Variants in CNTNAP2 observed in about 807,000 individuals in gnomAD.
The protein encoded by CNTNAP2 is contactin-associated protein-like 2.
A neutral mutation model predicts 155.2 loss-of-function variants in CNTNAP2; 98 were observed. The observed-to-expected ratio is 0.63, with a 90% CI of 0.54 to 0.75. The LOEUF (loss-of-function observed/expected upper bound fraction) is 0.75, where lower values mean the gene tolerates loss of function less well. Ranked by LOEUF, CNTNAP2 falls within the 30% of genes least tolerant of loss-of-function variation. The pLI, the probability that CNTNAP2 is intolerant of heterozygous loss-of-function variation, is 0.00. For missense variants in CNTNAP2, 1,727 were observed against 1,688.1 expected (o/e 1.02, Z -0.40); for synonymous variants, 651 against 631.2 (o/e 1.03, Z -0.47).
At chr7:148,020,680 T>C (rs4725760) in intron 15 of CNTNAP2, among the ~76,000 whole-genome samples, 57,740 of 152,084 alleles carry the variant, frequency 0.38, 11,685 homozygotes, top group African/African-American at 0.53. Flanking sequence ...GCAATATATT[T>C]ATGATCTGCC....
chr7:148,239,247 C>T (rs1224870706), intron 20 of CNTNAP2, among the ~76,000 whole-genome samples: 3 of 152,198 alleles, frequency 2.0e-5, no homozygotes, highest in Non-Finnish European at 4.4e-5. Context: ...CACTGGCTCT[C>T]TATTGGGATT....
chr7:147,543,236 C>T (rs1269066649), intron 11 of CNTNAP2, among the ~76,000 whole-genome samples: 1 of 152,220 alleles, frequency 6.6e-6, no homozygotes, highest in African/African-American at 2.4e-5. Context: ...TAGTTAACTG[C>T]AGCAGGAACT....
intron 1 of CNTNAP2, among the ~76,000 whole-genome samples, chr7:146,386,849 A>G (rs1036169187): frequency 6.6e-6 from 1 of 152,246 alleles, no homozygotes; most frequent in Non-Finnish European, 1.5e-5. Flanking sequence ...GTAATCTAGC[A>G]TGTTATTTCC....
intron 8 of CNTNAP2, among the ~76,000 whole-genome samples, chr7:147,265,055 C>A (rs960738228): frequency 6.6e-6 from 1 of 152,000 alleles, no homozygotes; most frequent in African/African-American, 2.4e-5. Context: ...CCCAGGTCAC[C>A]CTTAGCGTTG....
intron 9 of CNTNAP2, among the ~76,000 whole-genome samples, chr7:147,325,556 G>A (rs1795439321): frequency 6.6e-6 from 1 of 152,108 alleles, no homozygotes; most frequent in Non-Finnish European, 1.5e-5. Context: ...AACTGAAAAT[G>A]AAGCGTAACT....
intron 1 of CNTNAP2, among the ~76,000 whole-genome samples, chr7:146,674,837 A>G (rs991583271): frequency 6.6e-5 from 10 of 152,194 alleles, no homozygotes; most frequent in Non-Finnish European, 8.8e-5. Flanking sequence ...AAGGTTTGTT[A>G]TGCAACCTTA....
At chr7:147,553,797 C>A (rs1048323418) in intron 11 of CNTNAP2, among the ~76,000 whole-genome samples, 1 of 152,112 alleles carries the variant, frequency 6.6e-6, no homozygotes, top group Middle Eastern at 3.4e-3. Flanking sequence ...ATGGTGAAAC[C>A]CTGTCTCTAC....
intron 1 of CNTNAP2, among the ~76,000 whole-genome samples, chr7:146,224,354 G>T (rs981722886): frequency 3.3e-5 from 5 of 151,422 alleles, no homozygotes; most frequent in Non-Finnish European, 5.9e-5. Flanking sequence ...ATACAATAGC[G>T]ATTATGACAT....
intron 21 of CNTNAP2, among the ~76,000 whole-genome samples, chr7:148,337,598 TCTTG>T (rs1212237588): frequency 6.6e-6 from 1 of 152,266 alleles, no homozygotes; most frequent in Non-Finnish European, 1.5e-5. Context: ...CTCATCTGCG[TCTTG>T]CCAGTCTCTC....
intron 13 of CNTNAP2, chr7:147,671,644 G>A (rs7779787): frequency 0.068 from 10,403 of 152,186 alleles, 597 homozygotes; most frequent in Admixed American, 0.19. Context: ...AGCACATAGA[G>A]CATGCGTATT....
At chr7:147,122,385 C>T (rs966442697) in intron 6 of CNTNAP2, 3 of 152,162 alleles carry the variant, frequency 2.0e-5, no homozygotes, top group Non-Finnish European at 2.9e-5. Context: ...TAGGTCCAAA[C>T]AACCTAAAAA....
intron 1 of CNTNAP2, among the ~76,000 whole-genome samples, chr7:146,190,400 A>G (rs1798685774): frequency 6.6e-6 from 1 of 152,158 alleles, no homozygotes; most frequent in Admixed American, 6.6e-5. Context: ...AAGCTGTTTT[A>G]TTTCAGTAGA....
intron 1 of CNTNAP2, among the ~76,000 whole-genome samples, chr7:146,323,054 G>A (rs1291360613): frequency 6.6e-6 from 1 of 151,908 alleles, no homozygotes; most frequent in Non-Finnish European, 1.5e-5. Context: ...TAATGTGTAT[G>A]GGGAGATTTT....
chr7:148,038,726 A>C (rs1025544606), intron 15 of CNTNAP2, among the ~76,000 whole-genome samples: 1 of 152,080 alleles, frequency 6.6e-6, no homozygotes, highest in Admixed American at 6.6e-5. Flanking sequence ...GCCCATAGAA[A>C]CTCCATTAAG....
chr7:147,327,247 C>A (rs1340282772), intron 9 of CNTNAP2, among the ~76,000 whole-genome samples: 1 of 152,154 alleles, frequency 6.6e-6, no homozygotes, highest in Non-Finnish European at 1.5e-5. Flanking sequence ...CTCATGATAG[C>A]CCTAGCTGCT....
intron 12 of CNTNAP2, among the ~76,000 whole-genome samples, chr7:147,603,283 T>C (rs1029005797): frequency 1.2e-4 from 19 of 152,176 alleles, no homozygotes; most frequent in Admixed American, 4.6e-4. Flanking sequence ...ATAAATGTCT[T>C]CTTTTGAGAA....
chr7:146,631,342 AT>A (rs1799508043), intron 1 of CNTNAP2, among the ~76,000 whole-genome samples: 2 of 152,182 alleles, frequency 1.3e-5, no homozygotes, highest in South Asian at 4.1e-4. Flanking sequence ...GGTGAAATTA[AT>A]ATATTCAAAA....
At chr7:147,135,352 A>AAAAC (rs1404969523) in intron 8 of CNTNAP2, among the ~76,000 whole-genome samples, 2 of 151,794 alleles carry the variant, frequency 1.3e-5, no homozygotes, top group East Asian at 1.9e-4. Flanking sequence ...TGGATAGCCA[A>AAAAC]AAACAAACAA....
intron 1 of CNTNAP2, among the ~76,000 whole-genome samples, chr7:146,438,068 C>G (rs537190937): frequency 6.6e-6 from 1 of 151,274 alleles, no homozygotes; most frequent in South Asian, 2.1e-4. Context: ...TTGTTAAGCC[C>G]CTAGGAGTTC....
Sources: allele counts gnomAD v4.1 joint callset (sites outside exome capture counted in the v4.1 genomes callset), GRCh38; gene constraint gnomAD v4.1.1; transcripts MANE v1.5; gene names NCBI Gene and HGNC (gene_info 2026-07-23, HGNC 2026-07-21).